Variants in ROCK1 observed in about 807,000 individuals in gnomAD.
ROCK1 encodes the protein rho-associated protein kinase 1.
A neutral mutation model predicts 196.8 loss-of-function variants in ROCK1; 36 were observed. The observed-to-expected ratio is 0.18, with a 90% CI of 0.14 to 0.24. ROCK1 has a LOEUF of 0.24. Among genes scored for constraint, ROCK1 ranks in the 10% least tolerant of loss-of-function variants. ROCK1 has a pLI of 1.00. For synonymous variants in ROCK1, 443 were observed against 515.9 expected, an observed-to-expected ratio of 0.86 and a Z score of 1.91; for missense variants, 920 against 1,562.0, an observed-to-expected ratio of 0.59 and a Z score of 6.93.
chr18:21,065,251 C>T (rs1238080714), intron 2 of ROCK1, among the ~76,000 whole-genome samples: 2 of 152,130 alleles, frequency 1.3e-5, no homozygotes, highest in African/African-American at 2.4e-5. Context: ...GCCAAAGCAA[C>T]CAAAAATTTA....
intron 11 of ROCK1, among the ~76,000 whole-genome samples, chr18:21,020,741 T>C (rs2035906888): frequency 6.6e-6 from 1 of 152,118 alleles, no homozygotes; most frequent in African/African-American, 2.4e-5. Flanking sequence ...GAATGAACAA[T>C]GAGCCCAAAA....
chr18:21,044,797 A>G (rs2036140824), intron 5 of ROCK1, among the ~76,000 whole-genome samples: 1 of 152,196 alleles, frequency 6.6e-6, no homozygotes, highest in African/African-American at 2.4e-5. Context: ...AGGGATATTA[A>G]AGAATACATT....
intron 1 of ROCK1, among the ~76,000 whole-genome samples, chr18:21,078,536 T>C (rs2036455758): frequency 1.3e-5 from 2 of 152,008 alleles, no homozygotes; most frequent in African/African-American, 2.4e-5. Flanking sequence ...GCAGTCTGAG[T>C]GGATGGAGTT....
chr18:20,997,213 C>T (rs1406772311), intron 16 of ROCK1, among the ~76,000 whole-genome samples: 1 of 152,056 alleles, frequency 6.6e-6, no homozygotes, highest in Non-Finnish European at 1.5e-5. Flanking sequence ...ACCCAATGAT[C>T]TGTTGACTAC....
chr18:21,110,848 G>A lies in ROCK1; in HGVS notation c.63C>T (p.Pro21=). 1 of 1,614,140 alleles carries A rather than the reference G, an allele frequency of 6.2e-7. No homozygotes were observed. Among genetic ancestry groups the A allele is most frequent in the Non-Finnish European group, 8.5e-7 (1 of 1,179,968 alleles). Residue 21 remains proline (P), a synonymous_variant, in exon 1 of 33, where the codon CCC becomes CCT. Coordinates refer to ENST00000399799, the MANE Select transcript of ROCK1 (RefSeq NM_005406.3). ...FEKMDNLLRD[P]KSEVNSDCLL... is the part of the protein sequence containing the mutation. ...AACAATCCGAATTCACTTCCGATTT[G>A]GGATCCCGCAGCAGGTTGTCCATTT...
intron 29 of ROCK1, among the ~76,000 whole-genome samples, chr18:20,959,122 T>A (rs867822227): frequency 0.039 from 1,937 of 49,734 alleles, 68 homozygotes; most frequent in Non-Finnish European, 0.049. Context: ...TATTATATAA[T>A]ATATATATTA....
chr18:21,060,023 G>T (rs1240025528), intron 2 of ROCK1, among the ~76,000 whole-genome samples: 1 of 152,286 alleles, frequency 6.6e-6, no homozygotes, highest in East Asian at 1.9e-4. Flanking sequence ...GGTTGTCTAG[G>T]GCTGGAAGCC....
chr18:21,108,653 C>A (rs2036723827), intron 1 of ROCK1, among the ~76,000 whole-genome samples: 1 of 152,182 alleles, frequency 6.6e-6, no homozygotes, highest in Non-Finnish European at 1.5e-5. Flanking sequence ...CCCATCTTTT[C>A]CCTGCCAATA....
chr18:21,024,304 T>C (rs1404295581), intron 10 of ROCK1, among the ~76,000 whole-genome samples: 1 of 150,410 alleles, frequency 6.6e-6, no homozygotes, highest in East Asian at 1.9e-4. Context: ...TAGAATTGTA[T>C]ATAAATAAAG....
chr18:21,088,362 G>A (rs1598558699), intron 1 of ROCK1, among the ~76,000 whole-genome samples: 2 of 152,224 alleles, frequency 1.3e-5, no homozygotes, highest in East Asian at 3.9e-4. Flanking sequence ...GGGGCATCGA[G>A]GCACACGCCT....
intron 22 of ROCK1, among the ~76,000 whole-genome samples, chr18:20,973,170 C>T (rs2035446212): frequency 1.3e-5 from 2 of 152,086 alleles, no homozygotes; most frequent in East Asian, 1.9e-4. Context: ...TGAGCCACCA[C>T]GCCCGGTGTA....
At chr18:21,001,542 C>A (rs751106480) in intron 16 of ROCK1, among the ~76,000 whole-genome samples, 18 of 151,842 alleles carry the variant, frequency 1.2e-4, no homozygotes, top group Non-Finnish European at 2.5e-4. Flanking sequence ...CTGAGGCAGG[C>A]AGATCACGAG....
chr18:20,963,409 A>G (rs985212824), intron 27 of ROCK1, among the ~76,000 whole-genome samples: 11 of 152,114 alleles, frequency 7.2e-5, no homozygotes, highest in African/African-American at 2.7e-4. Flanking sequence ...TAAATTCAAA[A>G]GTGATATAAA....
rs140304238 is a variant in ROCK1, at chr18:20,986,975, C to G, written c.2279G>C (p.Gly760Ala). ...TTCATCCTCCATCCTTTCTTTATTTCCAGTCAAATGTTCTAGTTTCTGCTG... is the reference window on the plus strand; with the variant it reads ...TTCATCCTCCATCCTTTCTTTATTTGCAGTCAAATGTTCTAGTTTCTGCTG... ...QSQQKLEHLT[G>A]NKERMEDEVK... Residue 760 changes from glycine to alanine, a missense_variant, in exon 19 of 33, where the codon GGA becomes GCA. Coordinates refer to ENST00000399799, the MANE Select transcript of ROCK1 (RefSeq NM_005406.3). The G allele has an allele frequency of 3.5e-4, 565 of 1,595,838 alleles. 2 individuals are homozygous for G. The African/African-American group carries it at 6.6e-3, about 19-fold the overall frequency.
intron 1 of ROCK1, among the ~76,000 whole-genome samples, chr18:21,095,580 T>C (rs1436397541): frequency 6.6e-6 from 1 of 152,090 alleles, no homozygotes; most frequent in African/African-American, 2.4e-5. Context: ...GGTCATTACA[T>C]TAAGTGAAAT....
chr18:20,972,450 T>C (rs1044883371), intron 22 of ROCK1, among the ~76,000 whole-genome samples: 6 of 152,128 alleles, frequency 3.9e-5, no homozygotes, highest in Admixed American at 3.9e-4. Context: ...GAGGATGTAC[T>C]TGGACTCTGA....
In ROCK1 at chr18:20,952,859, A is replaced by G. The variant is rs1223454895; in HGVS notation, c.4061+719T>C. On this transcript the variant is annotated intron_variant, in intron 32 of 32. Coordinates refer to ENST00000399799, the MANE Select transcript of ROCK1 (RefSeq NM_005406.3). Reference sequence around the variant, plus strand: ...GAAGCTGGAAACCATCATTCTCAGCAAACTAACACAGGAATAGAAAACCAA... The same window carrying G: ...GAAGCTGGAAACCATCATTCTCAGCGAACTAACACAGGAATAGAAAACCAA... 3.3e-5 allele frequency among the ~76,000 whole-genome samples: 5 copies of G among 152,100 alleles called. No individual in the cohort carries two copies. The East Asian group carries it at 9.7e-4, about 29-fold the overall frequency.
chr18:21,054,162 C>T (rs2036227967), intron 2 of ROCK1, among the ~76,000 whole-genome samples: 1 of 152,150 alleles, frequency 6.6e-6, no homozygotes, highest in Non-Finnish European at 1.5e-5. Context: ...CCTATTATTT[C>T]ACATTCATGA....
chr18:21,110,953 C>T lies in ROCK1; in HGVS notation c.-43G>A. On this transcript the variant is annotated 5_prime_UTR_variant, in exon 1 of 33. Coordinates refer to ENST00000399799, the MANE Select transcript of ROCK1 (RefSeq NM_005406.3). ...AATGCCCTCTTACCAGCACCAGCAG[C>T]GGAAAGCAATTTCAACCAACTTCCT... is the stretch of plus-strand genomic sequence containing the variant. 1 of 1,537,240 alleles carries T rather than the reference C, an allele frequency of 6.5e-7. No homozygotes were observed. The highest frequency in any genetic ancestry group is 1.1e-5 in the South Asian group (1 of 89,218).
Sources: allele counts gnomAD v4.1 joint callset (sites outside exome capture counted in the v4.1 genomes callset), GRCh38; gene constraint gnomAD v4.1.1; transcripts MANE v1.5; gene names NCBI Gene and HGNC (gene_info 2026-07-23, HGNC 2026-07-21).